EFCAB5: variants seen among roughly 807,000 people sequenced by gnomAD.
EFCAB5 encodes the protein EF-hand calcium-binding domain-containing protein 5.
EFCAB5 carries 131 observed loss-of-function variants against 167.9 expected under a neutral mutation model. That is an observed-to-expected ratio of 0.78 (90% CI 0.68 to 0.90). EFCAB5 has a LOEUF of 0.90. EFCAB5 is among the 40% of genes least tolerant of loss of function. The probability of loss-of-function intolerance (pLI) is 0.00; values close to 1 mark genes in which losing one functional copy is unlikely to be tolerated. For synonymous variants in EFCAB5, 574 were observed against 602.8 expected, an observed-to-expected ratio of 0.95 and a Z score of 0.70; for missense variants, 1,663 against 1,745.2, an observed-to-expected ratio of 0.95 and a Z score of 0.84.
chr17:30,056,389 C>T (rs1053548237), intron 12 of EFCAB5, among the ~76,000 whole-genome samples: 5 of 152,186 alleles, frequency 3.3e-5, no homozygotes, highest in African/African-American at 1.2e-4. Context: ...TGCTTTAAAA[C>T]TTATGGCATT....
chr17:30,091,817 C>T (rs1221023651), intron 20 of EFCAB5, 54 bp from the exon 21 acceptor site: 2 of 1,569,986 alleles, frequency 1.3e-6, no homozygotes, highest in Non-Finnish European at 1.7e-6. Context: ...AAGTAATGTA[C>T]AGCAATGTAC....
At chr17:30,006,294 A>G (rs907379596) in intron 7 of EFCAB5, among the ~76,000 whole-genome samples, 1 of 152,168 alleles carries the variant, frequency 6.6e-6, no homozygotes, top group African/African-American at 2.4e-5. Flanking sequence ...TTACAAAAAA[A>G]TTTTAAAATT....
chr17:30,007,290 G>A (rs1046007664), intron 7 of EFCAB5, among the ~76,000 whole-genome samples: 8 of 152,302 alleles, frequency 5.3e-5, no homozygotes, highest in Non-Finnish European at 1.0e-4. Context: ...TTTGTCTGCT[G>A]TTGATGAAGC....
chr17:30,087,409 C>A (rs550193739), intron 19 of EFCAB5, among the ~76,000 whole-genome samples: 8 of 152,188 alleles, frequency 5.3e-5, no homozygotes, highest in African/African-American at 1.7e-4. Context: ...GGTATTAAGC[C>A]CCGCATGCAT....
At chr17:29,989,170 G>A (rs1044955277) in intron 4 of EFCAB5, among the ~76,000 whole-genome samples, 2 of 152,170 alleles carry the variant, frequency 1.3e-5, no homozygotes, top group Non-Finnish European at 2.9e-5. Context: ...TGGCACTATT[G>A]TAGGGTCATT....
At chr17:29,987,782 T>C (rs1020312899) in intron 4 of EFCAB5, among the ~76,000 whole-genome samples, 3 of 152,192 alleles carry the variant, frequency 2.0e-5, no homozygotes, top group Admixed American at 6.5e-5. Flanking sequence ...TGGGGCATTG[T>C]CTGTTTTAAT....
chr17:29,999,000 A>AT (rs2068604716), intron 6 of EFCAB5, among the ~76,000 whole-genome samples: 1 of 151,622 alleles, frequency 6.6e-6, no homozygotes, highest in Admixed American at 6.6e-5. Context: ...CATTCTCTTG[A>AT]TTTTTTTCTT....
At position 30,029,780 on chromosome 17, in the gene EFCAB5, C is replaced by A. The variant is rs116954096; in HGVS notation, c.1045-4450C>A. On this transcript the variant is annotated intron_variant, in intron 7 of 22. Coordinates refer to ENST00000394835, the MANE Select transcript of EFCAB5 (RefSeq NM_198529.4). ...ATAGATAGTTTCCAAACATAGTTTT[C>A]TTTCTATTGCTCTTATATCACCCAC... is the stretch of plus-strand genomic sequence containing the variant. Among the ~76,000 whole-genome samples, 417 of 152,298 alleles carry A rather than the reference C, an allele frequency of 2.7e-3. 3 individuals are homozygous for A. Among genetic ancestry groups the A allele is most frequent in the African/African-American group, 7.2e-3 (301 of 41,572 alleles).
chr17:30,025,588 A>C (rs568381082), intron 7 of EFCAB5, among the ~76,000 whole-genome samples: 5 of 152,238 alleles, frequency 3.3e-5, no homozygotes. Flanking sequence ...AAACTAGTTC[A>C]ACCATTGTGA....
Position 30,057,844 on chromosome 17 carries a change from A to G in EFCAB5, c.2534A>G (p.Glu845Gly). 1.2e-6 allele frequency: 2 copies of G among 1,613,790 alleles called. No homozygotes were observed. Among genetic ancestry groups the G allele is most frequent in the Non-Finnish European group, 8.5e-7 (1 of 1,179,728 alleles). Residue 845 changes from glutamate to glycine, a missense_variant, in exon 13 of 23, where the codon GAG becomes GGG. Glu to Gly is a moderately conservative substitution (Grantham distance 98). Transcript: ENST00000394835. ...GAGACTCTCACCTCCTTTTTTAAGG[A>G]GGGCTATGTTGAAACAGAACAAGAG... The part of the protein sequence containing the change: ...VSETLTSFFK[E>G]GYVETEQEKM...
chr17:29,970,669 T>TACAC (rs1220247152), intron 4 of EFCAB5, among the ~76,000 whole-genome samples: 856 of 58,742 alleles, frequency 0.015, 9 homozygotes, highest in African/African-American at 0.032. Context: ...CACACACACA[T>TACAC]ACACACACAC....
intron 7 of EFCAB5, among the ~76,000 whole-genome samples, chr17:30,018,607 C>T (rs1414509443): frequency 6.6e-6 from 1 of 151,972 alleles, no homozygotes; most frequent in Non-Finnish European, 1.5e-5. Flanking sequence ...CTTGTCTTTT[C>T]ACCTGAATTC....
intron 3 of EFCAB5, among the ~76,000 whole-genome samples, chr17:29,957,057 T>G (rs1351345629): frequency 6.6e-6 from 1 of 152,222 alleles, no homozygotes; most frequent in East Asian, 1.9e-4. Flanking sequence ...GTCATTTTTT[T>G]TCCATTCAGT....
intron 16 of EFCAB5, 135 bp downstream of exon 16, chr17:30,080,376 C>G: frequency 1.1e-6 from 1 of 905,168 alleles, no homozygotes; most frequent in Non-Finnish European, 1.6e-6. Flanking sequence ...GGAGTAGAAG[C>G]TGATGGCTTC....
intron 7 of EFCAB5, among the ~76,000 whole-genome samples, chr17:30,028,485 G>A (rs1278592877): frequency 6.6e-6 from 1 of 152,188 alleles, no homozygotes; most frequent in Non-Finnish European, 1.5e-5. Flanking sequence ...GTTGAGGCAA[G>A]TATGTTGTGA....
At chr17:30,055,367 A>G (rs1298701825) in intron 10 of EFCAB5, among the ~76,000 whole-genome samples, 2 of 151,662 alleles carry the variant, frequency 1.3e-5, no homozygotes, top group Non-Finnish European at 2.9e-5. Context: ...GAAGGAAGGA[A>G]GGAAGGAAGG....
chr17:30,090,479 G>T lies in EFCAB5; in HGVS notation c.3742G>T (p.Glu1248Ter). 1.2e-6 allele frequency: 2 copies of T among 1,614,026 alleles called. No individual in the cohort carries two copies. The highest frequency in any genetic ancestry group is 1.7e-6 in the Non-Finnish European group (2 of 1,179,892). ...AGTTGTTCTGGCTTCTGCCTGTGGA[G>T]AAACGCATATAGTAGTTCCACTTCG... is the stretch of plus-strand genomic sequence containing the variant. ...SEVVLASACGETHIVVPLRER... is the reference protein window; with the variant it reads ...SEVVLASACG Residue 1248 changes from glutamate to a stop codon, truncating the protein, a stop_gained, in exon 20 of 23, where the codon GAA (glutamate) becomes TAA (stop). Coordinates refer to ENST00000394835, the MANE Select transcript of EFCAB5 (RefSeq NM_198529.4). LOFTEE classifies it high-confidence loss of function.
At chr17:29,986,794 C>G (rs1475286432) in intron 4 of EFCAB5, among the ~76,000 whole-genome samples, 1 of 151,672 alleles carries the variant, frequency 6.6e-6, no homozygotes, top group Non-Finnish European at 1.5e-5. Flanking sequence ...ACTATAGGCA[C>G]CCGCCACCTC....
chr17:30,057,956 G>A (rs2070320785), intron 13 of EFCAB5, 66 bp downstream of exon 13: 6 of 1,436,480 alleles, frequency 4.2e-6, no homozygotes, highest in Non-Finnish European at 5.7e-6. Flanking sequence ...CTCAACCTCA[G>A]TTGCTCCCGA....
Sources: allele counts gnomAD v4.1 joint callset (sites outside exome capture counted in the v4.1 genomes callset), GRCh38; gene constraint gnomAD v4.1.1; transcripts MANE v1.5; gene names NCBI Gene and HGNC (gene_info 2026-07-23, HGNC 2026-07-21).